The following PIGF variants were observed in gnomAD, a reference collection of about 807,000 sequenced individuals.
The protein encoded by PIGF is GPI ethanolamine phosphate transferase, stabilizing subunit.
A neutral mutation model predicts 26.0 loss-of-function variants in PIGF; 23 were observed. The ratio of observed to expected loss-of-function variants is 0.88; its 90% CI spans 0.64 to 1.25. The LOEUF is 1.25. Among genes scored for constraint, PIGF ranks in the 50% most tolerant of loss-of-function variants. The probability of loss-of-function intolerance (pLI) is 0.00; values close to 1 mark genes in which losing one functional copy is unlikely to be tolerated. For synonymous variants in PIGF, 93 were observed against 92.6 expected, an observed-to-expected ratio of 1.00 and a Z score of -0.03; for missense variants, 278 against 249.9, an observed-to-expected ratio of 1.11 and a Z score of -0.76.
At chr2:46,609,589 A>C (rs1670339337) in intron 4 of PIGF, among the ~76,000 whole-genome samples, 2 of 152,214 alleles carry the variant, frequency 1.3e-5, no homozygotes, top group Admixed American at 6.5e-5. Flanking sequence ...ATTTAAAGTG[A>C]GAGACAAGTA....
At chr2:46,611,797 A>G (rs1274542739) in intron 4 of PIGF, among the ~76,000 whole-genome samples, 1 of 152,238 alleles carries the variant, frequency 6.6e-6, no homozygotes, top group Non-Finnish European at 1.5e-5. Context: ...AGAAATTATC[A>G]TTGTTACACA....
rs753432355 is a variant in PIGF, at chr2:46,615,007, G to A, written c.158C>T (p.Ala53Val). Residue 53 changes from alanine to valine, a missense_variant, in exon 2 of 6, where the codon GCT (alanine) becomes GTT (valine). By Grantham distance (64) the Ala-to-Val change is moderately conservative. Transcript: ENST00000281382. The part of the protein sequence containing the change: ...WLCICSGFVT[A>V]VNLVLYLVVK... ...TACTAAATATAGTACTAGATTGACAGCAGTTACAAAACCAGAACAGATGCA... is the reference window on the plus strand; with the variant it reads ...TACTAAATATAGTACTAGATTGACAACAGTTACAAAACCAGAACAGATGCA... 9.9e-6 allele frequency: 16 copies of A among 1,608,666 alleles called. No individual in the cohort carries two copies. In the South Asian group the frequency reaches 1.8e-4, roughly 18 times the overall value.
intron 5 of PIGF, among the ~76,000 whole-genome samples, chr2:46,586,810 A>G (rs1669585340): frequency 6.6e-6 from 1 of 152,244 alleles, no homozygotes; most frequent in Non-Finnish European, 1.5e-5. Flanking sequence ...TGTCTGATAC[A>G]GGAATACATG....
intron 4 of PIGF, among the ~76,000 whole-genome samples, chr2:46,607,768 C>G (rs1484911782): frequency 1.3e-5 from 2 of 152,054 alleles, no homozygotes; most frequent in South Asian, 2.1e-4. Flanking sequence ...AATCTCGGCT[C>G]GCTGCAACCT....
At position 46,588,654 on chromosome 2, in the gene PIGF, A is replaced by G. The variant is rs1022923192; in HGVS notation, c.546+3821T>C. The G allele has an allele frequency of 6.6e-6, 1 of 152,380 alleles. No individual in the cohort carries two copies. Among genetic ancestry groups the G allele is most frequent in the Non-Finnish European group, 1.5e-5 (1 of 68,164 alleles). The allele number at this position is 152,380 out of a possible 1,614,324, so 9.4% of individuals were successfully genotyped here. ...TTTCCTGTGCTCAGAATAACCAACA[A>G]TATTTCTTAACCTTCCACTAATTTT... On this transcript the variant is annotated intron_variant, in intron 5 of 5. Transcript: ENST00000281382. The surrounding 1 kb of genome is among the most constrained non-coding windows in gnomAD (Gnocchi z 4.1).
At chr2:46,596,443 T>A (rs1253687240) in intron 4 of PIGF, among the ~76,000 whole-genome samples, 1 of 152,160 alleles carries the variant, frequency 6.6e-6, no homozygotes. Context: ...AAAATGGAAC[T>A]GAGACCTATT....
chr2:46,581,868 T>G (rs1478005406), intron 5 of PIGF: 1 of 291,354 alleles, frequency 3.4e-6, no homozygotes, highest in African/African-American at 2.2e-5. Context: ...ATTAAAATTT[T>G]GGGTCAGACT....
At chr2:46,593,917 A>G (rs1407788637) in intron 4 of PIGF, among the ~76,000 whole-genome samples, 1 of 152,242 alleles carries the variant, frequency 6.6e-6, no homozygotes, top group South Asian at 2.1e-4. Context: ...TCCCTCTATC[A>G]TCCTCCATCT....
At chr2:46,583,543 T>C (rs1368619210) in intron 5 of PIGF, among the ~76,000 whole-genome samples, 1 of 152,206 alleles carries the variant, frequency 6.6e-6, no homozygotes, top group Admixed American at 6.5e-5. Context: ...GAGTTCCCCA[T>C]TGCTTATCAA....
At chr2:46,609,858 T>C (rs1670353600) in intron 4 of PIGF, among the ~76,000 whole-genome samples, 1 of 152,132 alleles carries the variant, frequency 6.6e-6, no homozygotes, top group Non-Finnish European at 1.5e-5. Flanking sequence ...CAGATCACCA[T>C]AATAGATATA....
chr2:46,598,578 A>C (rs1368803926), intron 4 of PIGF, among the ~76,000 whole-genome samples: 1 of 127,574 alleles, frequency 7.8e-6, no homozygotes, highest in Admixed American at 9.3e-5. Flanking sequence ...CGTGAGTGTT[A>C]ATGTATTGCA....
At position 46,588,357 on chromosome 2, in the gene PIGF, CAAAT is replaced by C. The variant is rs1309597571; in HGVS notation, c.546+4114_546+4117del. The C allele has an allele frequency of 5.9e-5, 47 of 791,962 alleles. No homozygotes were observed. The highest frequency in any genetic ancestry group is 1.9e-4 in the Admixed American group (6 of 30,822). 49.1% of individuals were successfully genotyped at this position (791,962 alleles called of 1,614,324 possible). A position where few individuals can be genotyped will look rare whatever the true frequency, so the allele number is the denominator to read the frequency against. On this transcript the variant is annotated intron_variant, in intron 5 of 5. Transcript: ENST00000281382. The surrounding 1 kb of genome is among the most constrained non-coding windows in gnomAD (Gnocchi z 4.1). ...ACATATTCTCTAATATATGAGAACTCAAATAAATCATGGAATTTGCATTTTTTGA... is the reference window on the plus strand; with the variant it reads ...ACATATTCTCTAATATATGAGAACTCAAATCATGGAATTTGCATTTTTTGA...
At chr2:46,598,764 G>A (rs1669967349) in intron 4 of PIGF, among the ~76,000 whole-genome samples, 1 of 152,000 alleles carries the variant, frequency 6.6e-6, no homozygotes. Flanking sequence ...TTGTGGCAAT[G>A]GCTGTACAAC....
chr2:46,615,761 CAA>C (rs1446310932), intron 1 of PIGF: 2 of 152,280 alleles, frequency 1.3e-5, no homozygotes, highest in African/African-American at 4.8e-5. Flanking sequence ...ATCAAGAGTT[CAA>C]AGAGCACCAC....
At position 46,581,041 on chromosome 2, in the gene PIGF, A is replaced by C. The variant is rs1558695723; in HGVS notation, c.*437T>G. The C allele has an allele frequency of 2.5e-6, 4 of 1,584,626 alleles. No homozygotes were observed. The highest frequency in any genetic ancestry group is 3.4e-6 in the Non-Finnish European group (4 of 1,169,822). On this transcript the variant is annotated 3_prime_UTR_variant, in exon 6 of 6. Transcript: ENST00000281382. ...CTCCAAAGAAACACACTGTAAAAAA[A>C]AGAATAGGATCAAGATGTATAAACT... is the stretch of plus-strand genomic sequence containing the variant.
chr2:46,615,082 G>C lies in PIGF; in HGVS notation c.83C>G (p.Ser28Ter), dbSNP rs1670566865. 4 of 1,588,970 alleles carry C rather than the reference G, an allele frequency of 2.5e-6. No homozygotes were observed. The highest frequency in any genetic ancestry group is 1.3e-5 in the African/African-American group (1 of 74,442). ...TATTGAGAAGTTCTCCAAGAAGAGT[G>C]ATGGAATGAAGACACTTAGGATAAT... ...FSIILSVFIP[S>*]LFLENFSILE... Residue 28 changes from serine to a stop codon, truncating the protein, a stop_gained, in exon 2 of 6, where the codon TCA (serine) becomes TGA (stop). Coordinates refer to ENST00000281382, the MANE Select transcript of PIGF (RefSeq NM_002643.4). LOFTEE classifies it high-confidence loss of function.
At position 46,597,808 on chromosome 2, in the gene PIGF, G is replaced by C. The variant is rs78255086; in HGVS notation, c.438-5225C>G. Among the ~76,000 whole-genome samples, 404 of 152,218 alleles carry C rather than the reference G, an allele frequency of 2.7e-3. 13 individuals carry two copies. The South Asian group carries it at 0.046, about 17-fold the overall frequency. On this transcript the variant is annotated intron_variant, in intron 4 of 5. Transcript: ENST00000281382. ...GTTTCCCGTCCTCTGTAGGTATCAT[G>C]TTTCTCTCATTCTCTAAAAACTTTT...
In PIGF at chr2:46,612,304, T is replaced by C. The variant is rs374083428; in HGVS notation, c.361A>G (p.Thr121Ala). 251 of 1,481,924 alleles carry C rather than the reference T, an allele frequency of 1.7e-4. No individual in the cohort carries two copies. The highest frequency in any genetic ancestry group is 2.1e-4 in the Non-Finnish European group (228 of 1,107,376). 91.8% of individuals were successfully genotyped at this position (1,481,924 alleles called of 1,614,324 possible). A position where few individuals can be genotyped will look rare whatever the true frequency, so the allele number is the denominator to read the frequency against. Residue 121 changes from threonine to alanine, a missense_variant, in exon 4 of 6, where the codon ACT (threonine) becomes GCT (alanine). Thr to Ala is a moderately conservative substitution (Grantham distance 58, BLOSUM62 0). Transcript: ENST00000281382. ...ETFLFAVILS[T>A]FTTVPCLCLL... ...CATAAGCAAGGCACAGTAGTAAAAG[T>C]AGACAAAATAACTGCAAATAAAAAT...
Position 46,616,953 on chromosome 2 carries a change from C to T in PIGF, c.-22+17G>A. ...ACCTCGTGAGGCGAGACGCCGAGGG[C>T]GTCCAGCGGGGCTTACCTAACTCTC... On this transcript the variant is annotated intron_variant, in intron 1 of 5. Transcript: ENST00000281382. 2.0e-6 allele frequency: 1 copy of T among 490,588 alleles called. No homozygotes were observed. Among genetic ancestry groups the T allele is most frequent in the Non-Finnish European group, 3.7e-6 (1 of 271,348 alleles). 30.4% of individuals were successfully genotyped at this position (490,588 alleles called of 1,614,324 possible).
Sources: allele counts gnomAD v4.1 joint callset (sites outside exome capture counted in the v4.1 genomes callset), GRCh38; gene constraint gnomAD v4.1.1; non-coding constraint Gnocchi (gnomAD v3.1); transcripts MANE v1.5; gene names NCBI Gene and HGNC (gene_info 2026-07-23, HGNC 2026-07-21).